Variants in UIMC1 observed in about 807,000 individuals in gnomAD.
UIMC1 encodes BRCA1-A complex subunit RAP80.
A neutral mutation model predicts 84.9 loss-of-function variants in UIMC1; 42 were observed. That is an observed-to-expected ratio of 0.49 (90% confidence interval 0.39 to 0.64). UIMC1 has a LOEUF of 0.64. Ranked by LOEUF, UIMC1 falls within the 30% of genes least tolerant of loss-of-function variation. The probability of loss-of-function intolerance (pLI) is 0.00; values close to 1 mark genes in which losing one functional copy is unlikely to be tolerated. For missense variants in UIMC1, 825 were observed against 847.6 expected, an observed-to-expected ratio of 0.97 and a Z score of 0.33; for synonymous variants, 281 against 293.0, an observed-to-expected ratio of 0.96 and a Z score of 0.42.
rs1303561370 is a variant in UIMC1 at position 176,984,255 on chromosome 5, G to A, written c.-8-1632C>T. On this transcript the variant is annotated intron_variant, in intron 1 of 14. Transcript: ENST00000511320. ...TGGAAAGTGAGGAGTGCCTCTGCCC[G>A]GCCGGCCCATCTGGGATGTGAGGAG... is the stretch of plus-strand genomic sequence containing the variant. Among the ~76,000 whole-genome samples the A allele has an allele frequency of 4.1e-4, 49 of 119,822 alleles. 1 individual carries two copies. Among genetic ancestry groups the A allele is most frequent in the Admixed American group, 5.6e-4 (7 of 12,434 alleles). 78.6% of individuals were successfully genotyped at this position (119,822 alleles called of 152,430 possible). A position where few individuals can be genotyped will look rare whatever the true frequency, so the allele number is the denominator to read the frequency against.
At chr5:176,905,906 T>G in intron 14 of UIMC1, 105 bp downstream of exon 14, 1 of 1,257,212 alleles carries the variant, frequency 8.0e-7, no homozygotes, top group South Asian at 1.2e-5. Context: ...CCACAGTGAT[T>G]TCTACTGCAA....
chr5:176,924,985 C>T (rs867808156), intron 10 of UIMC1, among the ~76,000 whole-genome samples: 3 of 147,934 alleles, frequency 2.0e-5, no homozygotes, highest in African/African-American at 7.5e-5. Context: ...GAGCTGAGAT[C>T]GTGCCACTGC....
intron 1 of UIMC1, among the ~76,000 whole-genome samples, chr5:176,990,793 C>A (rs1772719227): frequency 6.6e-6 from 1 of 151,954 alleles, no homozygotes; most frequent in South Asian, 2.1e-4. Flanking sequence ...CCTGCCCCAG[C>A]TTCCCAGGTA....
intron 10 of UIMC1, among the ~76,000 whole-genome samples, chr5:176,941,290 C>T (rs1764386068): frequency 6.6e-6 from 1 of 152,008 alleles, no homozygotes; most frequent in South Asian, 2.1e-4. Flanking sequence ...AATTTATCTG[C>T]ACATTGAAAG....
At chr5:176,987,006 G>C (rs981248324) in intron 1 of UIMC1, among the ~76,000 whole-genome samples, 1 of 152,032 alleles carries the variant, frequency 6.6e-6, no homozygotes. Context: ...GATTACTTGA[G>C]GTCAGGAGTT....
chr5:177,002,472 T>C lies in UIMC1; in HGVS notation c.-9+4178A>G, dbSNP rs537449224. On this transcript the variant is annotated intron_variant, in intron 1 of 14. Transcript: ENST00000511320. ...TACAATTAAGACGGGTTCACTCTAC[T>C]GTATATAAATGATATCTTAATAAAA... is the stretch of plus-strand genomic sequence containing the variant. Among the ~76,000 whole-genome samples the C allele has an allele frequency of 5.3e-5, 8 of 152,200 alleles. 2 individuals carry two copies. Among genetic ancestry groups the C allele is most frequent in the African/African-American group, 1.7e-4 (7 of 41,528 alleles).
At chr5:177,012,585 C>T (rs528288805) in intron 1 of UIMC1, among the ~76,000 whole-genome samples, 1 of 151,778 alleles carries the variant, frequency 6.6e-6, no homozygotes, top group East Asian at 1.9e-4. Flanking sequence ...CCCAACTACT[C>T]GGGAGGCTGA....
At chr5:176,987,971 C>T (rs536494656) in intron 1 of UIMC1, among the ~76,000 whole-genome samples, 4 of 151,426 alleles carry the variant, frequency 2.6e-5, no homozygotes, top group African/African-American at 4.9e-5. Flanking sequence ...ACAAAAAATA[C>T]GAAATGTAGC....
At chr5:176,984,898 C>T (rs1205737265) in intron 1 of UIMC1, among the ~76,000 whole-genome samples, 1 of 152,148 alleles carries the variant, frequency 6.6e-6, no homozygotes, top group Non-Finnish European at 1.5e-5. Flanking sequence ...AGGCAGCATG[C>T]TTGTTAAGAG....
intron 10 of UIMC1, among the ~76,000 whole-genome samples, chr5:176,912,478 T>TG (rs893806532): frequency 2.7e-5 from 4 of 150,242 alleles, no homozygotes; most frequent in East Asian, 1.9e-4. Context: ...TTTTTTGTTT[T>TG]TTTTTTTTTT....
At chr5:176,988,883 C>G (rs946448166) in intron 1 of UIMC1, among the ~76,000 whole-genome samples, 21 of 151,964 alleles carry the variant, frequency 1.4e-4, no homozygotes, top group African/African-American at 5.1e-4. Flanking sequence ...GGGGTTTCAC[C>G]ATGTTGGCCA....
At chr5:177,001,599 T>C (rs1304338836) in intron 1 of UIMC1, 1 of 151,944 alleles carries the variant, frequency 6.6e-6, no homozygotes, top group Non-Finnish European at 1.5e-5. Context: ...TCTAAATGTA[T>C]ATAGAAAGGC....
At chr5:176,906,846 CCT>C (rs1554103846) in intron 13 of UIMC1, among the ~76,000 whole-genome samples, 5 of 152,178 alleles carry the variant, frequency 3.3e-5, no homozygotes, top group South Asian at 2.1e-4. Context: ...GTCGTATTCC[CCT>C]GTGTTTTGAT....
At chr5:177,009,103 C>T (rs1192205413), upstream of UIMC1, among the ~76,000 whole-genome samples, 2 of 151,840 alleles carry the variant, frequency 1.3e-5, no homozygotes, top group African/African-American at 4.8e-5. The surrounding 1 kb of genome is among the most constrained non-coding windows in gnomAD (Gnocchi z 4.3). Flanking sequence ...AACTCCTGAG[C>T]TCAAGCTATC....
Position 176,975,397 on chromosome 5 carries a change from T to C in UIMC1, c.231A>G (p.Ala77=), listed in dbSNP as rs1184233250. 1.2e-6 allele frequency: 2 copies of C among 1,613,646 alleles called. No homozygotes were observed. Among genetic ancestry groups the C allele is most frequent in the African/African-American group, 2.7e-5 (2 of 74,900 alleles). The change falls in exon 3 of 15, where the codon GCA becomes GCG. Residue 77 remains alanine, a splice_region_variant and synonymous_variant. Transcript: ENST00000511320. ...RAKCLAKRKI[A]QMTEEEQFAL... ...ATTATCAACAAAATGAAAACATACG[T>C]GCGATTTTTCTTTTGGCCAAACACT... is the stretch of plus-strand genomic sequence containing the variant.
intron 1 of UIMC1, among the ~76,000 whole-genome samples, chr5:176,985,684 A>C (rs904361946): frequency 1.3e-5 from 2 of 152,090 alleles, no homozygotes; most frequent in African/African-American, 4.8e-5. Context: ...AGCTCACCAC[A>C]GCCTCATCCT....
intron 9 of UIMC1, 131 bp from the exon 10 acceptor site, chr5:176,943,619 T>C: frequency 8.5e-7 from 1 of 1,178,052 alleles, no homozygotes; most frequent in Non-Finnish European, 1.2e-6. Flanking sequence ...AATTCAGGAG[T>C]AAAGATTGAG....
At chr5:177,004,780 G>A (rs762222776) in intron 1 of UIMC1, among the ~76,000 whole-genome samples, 13 of 152,162 alleles carry the variant, frequency 8.5e-5, no homozygotes, top group Non-Finnish European at 1.3e-4. Flanking sequence ...CACTGACAAG[G>A]TAATTTAAAA....
chr5:176,974,969 C>T (rs1271338112), intron 3 of UIMC1, among the ~76,000 whole-genome samples: 4 of 151,720 alleles, frequency 2.6e-5, no homozygotes, highest in African/African-American at 7.3e-5. Context: ...GCCTGGACAG[C>T]ACAGCAGGAC....
Sources: allele counts gnomAD v4.1 joint callset (sites outside exome capture counted in the v4.1 genomes callset), GRCh38; gene constraint gnomAD v4.1.1; non-coding constraint Gnocchi (gnomAD v3.1); transcripts MANE v1.5; gene names NCBI Gene and HGNC (gene_info 2026-07-23, HGNC 2026-07-21).